FMN2: variants seen among roughly 807,000 people sequenced by gnomAD.
The protein encoded by FMN2 is formin 2.
Under a neutral mutation model 142.3 loss-of-function variants are expected in FMN2, and 51 were observed. The ratio of observed to expected loss-of-function variants is 0.36; its 90% CI spans 0.29 to 0.45. The LOEUF (loss-of-function observed/expected upper bound fraction) is 0.45. Ranked by LOEUF, FMN2 falls within the 20% of genes least tolerant of loss-of-function variation. FMN2 has a pLI of 1.00. For missense variants in FMN2, 1,936 were observed against 2,122.8 expected, an observed-to-expected ratio of 0.91 and a Z score of 1.73; for synonymous variants, 882 against 869.8, an observed-to-expected ratio of 1.01 and a Z score of -0.25.
At chr1:240,284,920 C>T (rs996337618) in intron 7 of FMN2, among the ~76,000 whole-genome samples, 1 of 151,960 alleles carries the variant, frequency 6.6e-6, no homozygotes, top group Non-Finnish European at 1.5e-5. Context: ...AATCTTAACT[C>T]GCTGGGATCT....
intron 15 of FMN2, among the ~76,000 whole-genome samples, chr1:240,436,747 G>A (rs923596139): frequency 2.0e-5 from 3 of 151,966 alleles, no homozygotes; most frequent in Non-Finnish European, 4.4e-5. Flanking sequence ...ATCAGCTATG[G>A]CAAGCTGAAT....
rs187345695 is a variant in FMN2, at chr1:240,241,222, T to C, written c.4066-16723T>C. Among the ~76,000 whole-genome samples the C allele has an allele frequency of 2.0e-3, 290 of 148,478 alleles. 6 individuals are homozygous for C. Among genetic ancestry groups the C allele is most frequent in the Admixed American group, 0.016 (242 of 14,898 alleles). On this transcript the variant is annotated intron_variant, in intron 6 of 17. Transcript: ENST00000319653. ...GGAATCACTTTGGTGTATTTTCAAC[T>C]CTGGATTTTTTTTTTAATTGTATTT...
intron 15 of FMN2, among the ~76,000 whole-genome samples, chr1:240,429,983 C>T (rs1406735223): frequency 1.3e-5 from 2 of 151,092 alleles, no homozygotes; most frequent in South Asian, 2.1e-4. Flanking sequence ...CCTCCCGGGT[C>T]CACGCCATTC....
At chr1:240,438,464 A>G (rs992014585) in intron 16 of FMN2, among the ~76,000 whole-genome samples, 9 of 152,212 alleles carry the variant, frequency 5.9e-5, no homozygotes, top group African/African-American at 2.4e-5. Flanking sequence ...ATCAACTTCT[A>G]TCATGAGGAA....
In FMN2 at chr1:240,207,477, C is replaced by A; in HGVS notation, c.2665C>A (p.Pro889Thr). The A allele has an allele frequency of 6.2e-7, 1 of 1,613,392 alleles. No individual in the cohort carries two copies. Among genetic ancestry groups the A allele is most frequent in the Non-Finnish European group, 8.5e-7 (1 of 1,179,724 alleles). ...PPPPLPGMTV[P>T]TLPSTAIPQP... ...TCCCCCTCTCCCTGGCATGACAGTGCCTACTCTGCCCAGTACAGCCATTCC... is the reference window on the plus strand; with the variant it reads ...TCCCCCTCTCCCTGGCATGACAGTGACTACTCTGCCCAGTACAGCCATTCC... Residue 889 changes from proline (P) to threonine (T), a missense_variant, in exon 5 of 18, where the codon CCT becomes ACT. Physicochemically the swap from Pro to Thr is conservative, Grantham distance 38 (BLOSUM62 -1). Coordinates refer to ENST00000319653, the MANE Select transcript of FMN2 (RefSeq NM_020066.5).
intron 2 of FMN2, among the ~76,000 whole-genome samples, chr1:240,155,859 A>G (rs1259138677): frequency 6.6e-6 from 1 of 151,176 alleles, no homozygotes; most frequent in Non-Finnish European, 1.5e-5. Context: ...TAAAAAAAAA[A>G]CTGACCATCT....
At chr1:240,436,538 A>C (rs1162261562) in intron 15 of FMN2, among the ~76,000 whole-genome samples, 1 of 152,060 alleles carries the variant, frequency 6.6e-6, no homozygotes, top group Admixed American at 6.6e-5. Context: ...TTAGCCGGGC[A>C]TGGTGGCAGG....
At chr1:240,106,221 A>G (rs1661602472) in intron 1 of FMN2, among the ~76,000 whole-genome samples, 1 of 152,144 alleles carries the variant, frequency 6.6e-6, no homozygotes, top group Non-Finnish European at 1.5e-5. Context: ...ACACCTTCAT[A>G]TGATCTTCTT....
intron 16 of FMN2, among the ~76,000 whole-genome samples, chr1:240,449,293 C>A (rs901691682): frequency 3.9e-5 from 6 of 152,182 alleles, no homozygotes; most frequent in Non-Finnish European, 8.8e-5. Context: ...ACTTTCCCTG[C>A]CTTTCCTGTG....
In FMN2 at chr1:240,093,310, C is replaced by T. The variant is rs2103159285; in HGVS notation, c.1201C>T (p.Pro401Ser). ...APAAASLPGS[P>S]APSQRCFKPY... The stretch of plus-strand genomic sequence containing the variant: ...CGCGGCCGCTTCCCTGCCCGGCAGC[C>T]CCGCGCCTAGCCAGCGCTGTTTCAA... Residue 401 changes from proline to serine, a missense_variant, in exon 1 of 18, where the codon CCC becomes TCC. Coordinates refer to ENST00000319653, the MANE Select transcript of FMN2 (RefSeq NM_020066.5). The T allele has an allele frequency of 6.2e-7, 1 of 1,609,176 alleles. No individual in the cohort carries two copies. The highest frequency in any genetic ancestry group is 8.5e-7 in the Non-Finnish European group (1 of 1,178,146).
intron 13 of FMN2, among the ~76,000 whole-genome samples, chr1:240,336,113 A>C (rs1241416742): frequency 6.6e-6 from 1 of 152,216 alleles, no homozygotes; most frequent in East Asian, 1.9e-4. Context: ...ATTGCACTCC[A>C]GCCTGAGCAA....
intron 13 of FMN2, among the ~76,000 whole-genome samples, chr1:240,338,653 C>A (rs1438075372): frequency 6.6e-6 from 1 of 152,172 alleles, no homozygotes; most frequent in African/African-American, 2.4e-5. Context: ...GCTGTATATA[C>A]TGCCCACCTG....
intron 2 of FMN2, chr1:240,144,131 C>G: frequency 4.0e-6 from 5 of 1,250,002 alleles, no homozygotes; most frequent in South Asian, 1.2e-5. Flanking sequence ...ACAGCAGCAG[C>G]ATCCCAACAG....
intron 15 of FMN2, among the ~76,000 whole-genome samples, chr1:240,436,223 A>G (rs1289005188): frequency 2.6e-5 from 4 of 152,134 alleles, no homozygotes; most frequent in Non-Finnish European, 5.9e-5. Context: ...ACTCTTTCTC[A>G]GGTTTAATTG....
chr1:240,116,565 AT>A (rs983404991), intron 1 of FMN2, among the ~76,000 whole-genome samples: 1 of 151,884 alleles, frequency 6.6e-6, no homozygotes, highest in African/African-American at 2.4e-5. Context: ...CAACAGTGAA[AT>A]TTTTCTGAAA....
chr1:240,204,352 C>A (rs1666244312), intron 4 of FMN2, among the ~76,000 whole-genome samples: 1 of 152,178 alleles, frequency 6.6e-6, no homozygotes, highest in African/African-American at 2.4e-5. Context: ...ATAGTCCTAG[C>A]TACTTGGGTT....
chr1:240,259,031 G>A (rs1448863056), intron 7 of FMN2, among the ~76,000 whole-genome samples: 1 of 152,214 alleles, frequency 6.6e-6, no homozygotes, highest in African/African-American at 2.4e-5. Flanking sequence ...GGTATGCCCT[G>A]TCAATTGATG....
At chr1:240,205,174 A>C (rs1666282198) in intron 4 of FMN2, among the ~76,000 whole-genome samples, 1 of 152,094 alleles carries the variant, frequency 6.6e-6, no homozygotes, top group African/African-American at 2.4e-5. Context: ...AACACTCTGG[A>C]ACACTCTGTA....
At chr1:240,122,566 A>G (rs1571950655) in intron 1 of FMN2, among the ~76,000 whole-genome samples, 1 of 152,234 alleles carries the variant, frequency 6.6e-6, no homozygotes, top group East Asian at 1.9e-4. Flanking sequence ...TACAGGTGTG[A>G]GCCACCATGT....
Sources: gnomAD v4.1 joint callset for allele counts (sites outside exome capture counted in the v4.1 genomes callset) on GRCh38, gnomAD v4.1.1 for gene constraint, MANE v1.5 for transcripts, NCBI Gene and HGNC (gene_info 2026-07-23, HGNC 2026-07-21) for gene names.